The following MS4A6A variants were observed in gnomAD, a reference collection of about 807,000 sequenced individuals.
MS4A6A encodes the protein membrane-spanning 4-domains subfamily A member 6A.
Under a neutral mutation model 20.6 loss-of-function variants are expected in MS4A6A, and 19 were observed. The ratio of observed to expected loss-of-function variants is 0.92; its 90% CI spans 0.64 to 1.36. The LOEUF is 1.36. Among genes scored for constraint, MS4A6A ranks in the 40% most tolerant of loss-of-function variants. The pLI is 0.00. For synonymous variants in MS4A6A, 108 were observed against 105.0 expected, an observed-to-expected ratio of 1.03 and a Z score of -0.17; for missense variants, 272 against 261.1, an observed-to-expected ratio of 1.04 and a Z score of -0.29.
chr11:60,175,362 T>C, intron 5 of MS4A6A, 40 bp downstream of exon 5: 1 of 1,467,668 alleles, frequency 6.8e-7, no homozygotes, highest in Non-Finnish European at 9.5e-7. Context: ...GGCTTTTGAA[T>C]ACCTCATAAG....
intron 5 of MS4A6A, among the ~76,000 whole-genome samples, chr11:60,174,786 T>G (rs1291131345): frequency 6.6e-6 from 1 of 152,164 alleles, no homozygotes; most frequent in Non-Finnish European, 1.5e-5. Flanking sequence ...TCAATTACAC[T>G]CTCCATCTCC....
At chr11:60,178,707 C>G (rs1856975353) in intron 3 of MS4A6A, 6 of 361,950 alleles carry the variant, frequency 1.7e-5, no homozygotes, top group Middle Eastern at 7.4e-4. Context: ...AAATACTACC[C>G]CAACCACATA....
chr11:60,175,511 A>T lies in MS4A6A; in HGVS notation c.440T>A (p.Leu147Gln), dbSNP rs761287516. 5.0e-6 allele frequency: 8 copies of T among 1,614,150 alleles called. No individual in the cohort carries two copies. The highest frequency in any genetic ancestry group is 5.9e-6 in the Non-Finnish European group (7 of 1,179,982). ...ATTATTTTTGTCCAACTCACACTGCAGTGAGGCAGGATTTAAGGTGGCCTG... is the reference window on the plus strand; with the variant it reads ...ATTATTTTTGTCCAACTCACACTGCTGTGAGGCAGGATTTAAGGTGGCCTG... The part of the protein sequence containing the change: ...VKQATLNPAS[L>Q]QCELDKNNIP... The change falls in exon 5 of 6, where the codon CTG (leucine) becomes CAG (glutamine). Residue 147 changes from leucine (L) to glutamine (Q), a missense_variant. Leu to Gln is a moderately radical substitution (Grantham distance 113). Coordinates refer to ENST00000528851, the MANE Select transcript of MS4A6A (RefSeq NM_022349.4).
At position 60,180,040 on chromosome 11, in the gene MS4A6A, G is replaced by A. The variant is rs557660195; in HGVS notation, c.148-75C>T. ...ACAGGGCCTTTTTGCCGCTCCCATG[G>A]CACTAATGCATTATCGCCTTCTGCA... On this transcript the variant is annotated intron_variant, in intron 2 of 5. Transcript: ENST00000528851. 2.1e-4 allele frequency: 300 copies of A among 1,425,880 alleles called. 5 individuals are homozygous for A. In the South Asian group the frequency reaches 3.3e-3, roughly 16 times the overall value. 88.3% of individuals were successfully genotyped at this position (1,425,880 alleles called of 1,614,324 possible). A position where few individuals can be genotyped will look rare whatever the true frequency, so the allele number is the denominator to read the frequency against.
chr11:60,179,733 C>A (rs760549619), intron 3 of MS4A6A, 98 bp downstream of exon 3: 1 of 1,401,870 alleles, frequency 7.1e-7, no homozygotes, highest in African/African-American at 1.4e-5. Flanking sequence ...TTGCTCCTGG[C>A]AGATCAAACA....
At chr11:60,175,206 C>G (rs563399646) in intron 5 of MS4A6A, among the ~76,000 whole-genome samples, 196 bp downstream of exon 5, 1 of 151,498 alleles carries the variant, frequency 6.6e-6, no homozygotes, top group Non-Finnish European at 1.5e-5. Flanking sequence ...CCTTATTTAA[C>G]ATTTTCAATT....
rs1390343278 is a variant in MS4A6A, at chr11:60,173,044, TAA to T, written c.633_634del (p.Tyr212LeufsTer2). ...CACACTCACCCCAGGGAAGTCAGAG[TAA>T]GCCTGTTTCCACCGCAGCACAGCAG... On this transcript the variant is annotated frameshift_variant, in exon 6 of 6. Transcript: ENST00000528851. LOFTEE classifies it high-confidence loss of function. 1.2e-6 allele frequency: 2 copies of T among 1,613,936 alleles called. No homozygotes were observed. Among genetic ancestry groups the T allele is most frequent in the African/African-American group, 2.7e-5 (2 of 74,880 alleles).
At chr11:60,179,808 C>T (rs760790218) in intron 3 of MS4A6A, 23 bp downstream of exon 3, 30 of 1,613,820 alleles carry the variant, frequency 1.9e-5, no homozygotes, top group Non-Finnish European at 2.1e-5. Context: ...CCCCATCCTG[C>T]CCTCCTCAGA....
chr11:60,179,791 C>T, intron 3 of MS4A6A, 40 bp downstream of exon 3: 3 of 1,613,240 alleles, frequency 1.9e-6, no homozygotes, highest in Non-Finnish European at 2.5e-6. Flanking sequence ...TCTTCCTCCC[C>T]TCTTTGCCCC....
upstream of MS4A6A, chr11:60,184,187 C>T (rs967456891): frequency 6.6e-6 from 1 of 152,218 alleles, no homozygotes; most frequent in African/African-American, 2.4e-5. Flanking sequence ...GATTAGTTCT[C>T]AGCGTCTGAA....
At chr11:60,184,340 C>T (rs1344535751), upstream of MS4A6A, 2 of 152,272 alleles carry the variant, frequency 1.3e-5, no homozygotes, top group African/African-American at 4.8e-5. Flanking sequence ...GGCGCCCCTT[C>T]CTCTTTCGCA....
At position 60,172,914 on chromosome 11, in the gene MS4A6A, G is replaced by A. The variant is rs1856650339; in HGVS notation, c.*87C>T. 1 of 1,590,392 alleles carries A rather than the reference G, an allele frequency of 6.3e-7. No individual in the cohort carries two copies. The highest frequency in any genetic ancestry group is 1.1e-5 in the South Asian group (1 of 88,554). ...CATCACAATGCAAATGCCCTCCCAT[G>A]TGTATCTCATGACTGACTGATTGTT... On this transcript the variant is annotated 3_prime_UTR_variant, in exon 6 of 6. Coordinates refer to ENST00000528851, the MANE Select transcript of MS4A6A (RefSeq NM_022349.4).
At chr11:60,178,058 C>G in intron 4 of MS4A6A, 1 of 572,044 alleles carries the variant, frequency 1.7e-6, no homozygotes, top group Non-Finnish European at 3.1e-6. Context: ...TGAATGCAGA[C>G]TTTGATGTAG....
chr11:60,183,064 A>C lies in MS4A6A; in HGVS notation c.-101T>G. On this transcript the variant is annotated 5_prime_UTR_variant, in exon 1 of 6. Transcript: ENST00000528851. ...TCAGTCCCATCAACGGTTTCTACTT[A>C]CCTTCATCTTCTGAAAGTCATCAGC... 6.7e-7 allele frequency: 1 copy of C among 1,499,158 alleles called. No individual in the cohort carries two copies. The highest frequency in any genetic ancestry group is 8.8e-7 in the Non-Finnish European group (1 of 1,131,962). 92.9% of individuals were successfully genotyped at this position (1,499,158 alleles called of 1,614,324 possible).
intron 3 of MS4A6A, chr11:60,179,488 C>T: frequency 1.7e-6 from 1 of 579,222 alleles, no homozygotes; most frequent in Non-Finnish European, 3.1e-6. Flanking sequence ...TCCATTTATG[C>T]TCTTTTTTTT....
At chr11:60,175,862 C>G (rs1042983254) in intron 4 of MS4A6A, among the ~76,000 whole-genome samples, 1 of 152,086 alleles carries the variant, frequency 6.6e-6, no homozygotes, top group Non-Finnish European at 1.5e-5. Context: ...GAGAATGTTA[C>G]TCTCCTAAAT....
intron 3 of MS4A6A, chr11:60,178,866 T>C: frequency 2.3e-6 from 1 of 426,338 alleles, no homozygotes; most frequent in Non-Finnish European, 4.6e-6. Flanking sequence ...AACCCAAATT[T>C]AGGAACATTC....
upstream of MS4A6A, chr11:60,184,569 T>G (rs1047117854): frequency 6.6e-6 from 1 of 152,286 alleles, no homozygotes; most frequent in African/African-American, 2.4e-5. Flanking sequence ...CTCCAGTCAG[T>G]TTTCCTCTCT....
At chr11:60,180,617 G>A (rs1857083339) in intron 2 of MS4A6A, 1 of 165,406 alleles carries the variant, frequency 6.0e-6, no homozygotes, top group Non-Finnish European at 1.3e-5. Context: ...GTATCCATTA[G>A]TTATTTTTCC....
Sources: allele counts gnomAD v4.1 joint callset (sites outside exome capture counted in the v4.1 genomes callset), GRCh38; gene constraint gnomAD v4.1.1; transcripts MANE v1.5; gene names NCBI Gene and HGNC (gene_info 2026-07-23, HGNC 2026-07-21).